Variants in UBL3 observed in about 807,000 individuals in gnomAD.
UBL3 encodes the protein ubiquitin-like protein 3.
A neutral mutation model predicts 18.4 loss-of-function variants in UBL3; 6 were observed. The ratio of observed to expected loss-of-function variants is 0.33; its 90% CI spans 0.18 to 0.64. The LOEUF (loss-of-function observed/expected upper bound fraction) is 0.64, where lower values mean the gene tolerates loss of function less well. Among genes scored for constraint, UBL3 ranks in the 30% least tolerant of loss-of-function variants. UBL3 has a pLI of 0.76. For synonymous variants in UBL3, 49 were observed against 46.6 expected, an observed-to-expected ratio of 1.05 and a Z score of -0.21; for missense variants, 109 against 142.9, an observed-to-expected ratio of 0.76 and a Z score of 1.21.
chr13:29,824,556 G>GT (rs1022960993), intron 1 of UBL3, among the ~76,000 whole-genome samples: 8 of 151,800 alleles, frequency 5.3e-5, no homozygotes, highest in Non-Finnish European at 7.4e-5. Context: ...TGCTGGGGTT[G>GT]TTTTTTTTCT....
chr13:29,796,284 T>C (rs71434758), intron 1 of UBL3, among the ~76,000 whole-genome samples: 2 of 152,012 alleles, frequency 1.3e-5, no homozygotes, highest in African/African-American at 4.8e-5. Context: ...ACAAAAAAAA[T>C]TCAAAAAATT....
chr13:29,832,323 T>C (rs1033700191), intron 1 of UBL3, among the ~76,000 whole-genome samples: 2 of 148,516 alleles, frequency 1.3e-5, no homozygotes, highest in East Asian at 2.0e-4. Flanking sequence ...CCAATCCTTT[T>C]ACCTAATTTC....
intron 1 of UBL3, among the ~76,000 whole-genome samples, chr13:29,802,454 G>A (rs1485041937): frequency 6.6e-6 from 1 of 152,116 alleles, no homozygotes; most frequent in African/African-American, 2.4e-5. Flanking sequence ...TTCCCAGCAG[G>A]GGTCCTCCAA....
chr13:29,783,398 G>C (rs553716864), intron 1 of UBL3, among the ~76,000 whole-genome samples: 2 of 152,324 alleles, frequency 1.3e-5, no homozygotes, highest in South Asian at 4.1e-4. Context: ...TATGAGACAA[G>C]CTTGCTACTA....
At chr13:29,817,296 A>T (rs963888889) in intron 1 of UBL3, among the ~76,000 whole-genome samples, 4 of 152,244 alleles carry the variant, frequency 2.6e-5, no homozygotes, top group Non-Finnish European at 2.9e-5. Context: ...ATGAAAACAT[A>T]AACTGTAATA....
intron 1 of UBL3, among the ~76,000 whole-genome samples, chr13:29,798,931 T>C (rs1252007272): frequency 6.6e-6 from 1 of 152,228 alleles, no homozygotes; most frequent in African/African-American, 2.4e-5. Context: ...ATAAGGTAGA[T>C]ATTATTCTCT....
chr13:29,782,865 G>C (rs1038262199), intron 1 of UBL3, among the ~76,000 whole-genome samples: 2 of 152,180 alleles, frequency 1.3e-5, no homozygotes, highest in African/African-American at 4.8e-5. Context: ...AAATTGAAAA[G>C]AGCAACAATA....
intron 1 of UBL3, among the ~76,000 whole-genome samples, chr13:29,837,483 A>T (rs1878987162): frequency 6.6e-6 from 1 of 152,234 alleles, no homozygotes; most frequent in South Asian, 2.1e-4. Context: ...GAGAAGGGGA[A>T]AAAAGAATGG....
Position 29,849,602 on chromosome 13 carries a change from T to C in UBL3, c.-64A>G. ...ACAAACAAAGAAAAAAGAGCAGAAGTCTTCACGTTACAGAAATAAACCACG... is the reference window on the plus strand; with the variant it reads ...ACAAACAAAGAAAAAAGAGCAGAAGCCTTCACGTTACAGAAATAAACCACG... On this transcript the variant is annotated 5_prime_UTR_variant, in exon 1 of 5. Transcript: ENST00000380680. 1 of 1,595,174 alleles carries C rather than the reference T, an allele frequency of 6.3e-7. No homozygotes were observed. Among genetic ancestry groups the C allele is most frequent in the Admixed American group, 1.7e-5 (1 of 59,912 alleles).
intron 1 of UBL3, among the ~76,000 whole-genome samples, chr13:29,782,572 T>TTTG (rs920237736): frequency 3.3e-5 from 5 of 152,136 alleles, no homozygotes; most frequent in Admixed American, 2.0e-4. Flanking sequence ...ACTCCCTCCT[T>TTTG]ACTCCCCCTG....
chr13:29,773,380 T>C (rs955722985), intron 2 of UBL3, among the ~76,000 whole-genome samples: 4 of 152,144 alleles, frequency 2.6e-5, no homozygotes, highest in East Asian at 3.9e-4. Context: ...ATCCCATTGT[T>C]CCCAGGTCCC....
At position 29,782,197 on chromosome 13, in the gene UBL3, T is replaced by C. The variant is rs200977404; in HGVS notation, c.28-4934A>G. ...CTAGATGTTCTAGATAATGTTCAAT[T>C]ATCTTTGAACATTCCCAATCTCTTT... On this transcript the variant is annotated intron_variant, in intron 1 of 4. Transcript: ENST00000380680. 1.2e-4 allele frequency among the ~76,000 whole-genome samples: 18 copies of C among 152,262 alleles called. No individual in the cohort carries two copies. The East Asian group carries it at 2.7e-3, about 23-fold the overall frequency.
intron 1 of UBL3, among the ~76,000 whole-genome samples, chr13:29,823,024 G>C (rs375741836): frequency 9.2e-5 from 14 of 151,820 alleles, no homozygotes; most frequent in African/African-American, 3.4e-4. Flanking sequence ...TTTTATAAAT[G>C]GTATTATTTT....
At chr13:29,830,809 C>G (rs760462415) in intron 1 of UBL3, among the ~76,000 whole-genome samples, 2 of 152,194 alleles carry the variant, frequency 1.3e-5, no homozygotes. Context: ...AATGCACATA[C>G]TGAATCCTTC....
chr13:29,812,019 T>C (rs1348113024), intron 1 of UBL3, among the ~76,000 whole-genome samples: 1 of 152,056 alleles, frequency 6.6e-6, no homozygotes, highest in Non-Finnish European at 1.5e-5. Context: ...TAGGTTGAAC[T>C]CGTACTAATG....
intron 1 of UBL3, among the ~76,000 whole-genome samples, chr13:29,835,107 AATATATAT>A (rs777840058): frequency 0.013 from 303 of 23,762 alleles, 12 homozygotes; most frequent in East Asian, 0.054. Flanking sequence ...TATATATATA[AATATATAT>A]ATATATATAA....
At chr13:29,824,770 A>C (rs939110655) in intron 1 of UBL3, among the ~76,000 whole-genome samples, 3 of 152,180 alleles carry the variant, frequency 2.0e-5, no homozygotes, top group Non-Finnish European at 4.4e-5. Flanking sequence ...TTTAGACATG[A>C]AGTCCTTGCC....
intron 1 of UBL3, among the ~76,000 whole-genome samples, chr13:29,842,978 T>C (rs1408635452): frequency 6.6e-6 from 1 of 152,234 alleles, no homozygotes; most frequent in Admixed American, 6.5e-5. Flanking sequence ...TTTGGAAATA[T>C]GGTTTCCACA....
intron 1 of UBL3, among the ~76,000 whole-genome samples, chr13:29,786,087 T>C (rs561053322): frequency 2.6e-5 from 4 of 152,282 alleles, no homozygotes; most frequent in African/African-American, 4.8e-5. Flanking sequence ...CATTCTAGAG[T>C]TGTGGGACAG....
Sources: gnomAD v4.1 joint callset for allele counts (sites outside exome capture counted in the v4.1 genomes callset) on GRCh38, gnomAD v4.1.1 for gene constraint, MANE v1.5 for transcripts, NCBI Gene and HGNC (gene_info 2026-07-23, HGNC 2026-07-21) for gene names.